The following SYT2 variants were observed in gnomAD, a reference collection of about 807,000 sequenced individuals.
SYT2 encodes the protein synaptotagmin 2, also known as synaptotagmin-2.
A neutral mutation model predicts 39.9 loss-of-function variants in SYT2; 15 were observed. The ratio of observed to expected loss-of-function variants is 0.38; its 90% confidence interval spans 0.25 to 0.58. SYT2 has a LOEUF of 0.58. Ranked by LOEUF, SYT2 falls within the 20% of genes least tolerant of loss-of-function variation. The pLI, the probability that SYT2 is intolerant of heterozygous loss-of-function variation, is 0.70. For missense variants in SYT2, 389 were observed against 530.3 expected, an observed-to-expected ratio of 0.73 and a Z score of 2.62; for synonymous variants, 181 against 204.5, an observed-to-expected ratio of 0.89 and a Z score of 0.98.
intron 1 of SYT2, among the ~76,000 whole-genome samples, chr1:202,650,932 A>T (rs778573472): frequency 1.3e-5 from 2 of 152,120 alleles, no homozygotes; most frequent in African/African-American, 4.8e-5. Context: ...AGCGTGGAAG[A>T]AGGAGGACGC....
chr1:202,602,902 C>A, intron 4 of SYT2, 97 bp downstream of exon 4: 2 of 1,437,520 alleles, frequency 1.4e-6, no homozygotes, highest in South Asian at 1.2e-5. Flanking sequence ...AGGAGTAGTG[C>A]CCACACATCT....
intron 1 of SYT2, among the ~76,000 whole-genome samples, chr1:202,690,348 G>T (rs1284975319): frequency 1.3e-5 from 2 of 152,204 alleles, no homozygotes; most frequent in African/African-American, 2.4e-5. Context: ...TGACAAGCAT[G>T]CATGGCAGCA....
Position 202,592,030 on chromosome 1 carries a change from C to T in SYT2, c.*4727G>A, listed in dbSNP as rs1467473377. 1 of 152,880 alleles carries T rather than the reference C, an allele frequency of 6.5e-6. No homozygotes were observed. The highest frequency in any genetic ancestry group is 2.4e-5 in the African/African-American group (1 of 41,462). 9.5% of individuals were successfully genotyped at this position (152,880 alleles called of 1,614,324 possible). A position where few individuals can be genotyped will look rare whatever the true frequency, so the allele number is the denominator to read the frequency against. On this transcript the variant is annotated 3_prime_UTR_variant, in exon 9 of 9. Transcript: ENST00000367268. Reference sequence around the variant, plus strand: ...GGACTGAGGGAGCAGGAGGGAGTGACAACAGGTGAGCCCTTCAGAAGTGGT... The same window carrying T: ...GGACTGAGGGAGCAGGAGGGAGTGATAACAGGTGAGCCCTTCAGAAGTGGT...
intron 1 of SYT2, among the ~76,000 whole-genome samples, chr1:202,634,300 C>T (rs1177792608): frequency 6.6e-6 from 1 of 152,068 alleles, no homozygotes; most frequent in Non-Finnish European, 1.5e-5. Flanking sequence ...GGTGGATCAC[C>T]CGATGTCAGG....
At position 202,599,928 on chromosome 1, in the gene SYT2, G is replaced by A. The variant is rs990885939; in HGVS notation, c.919+429C>T. Among the ~76,000 whole-genome samples, 3 of 152,250 alleles carry A rather than the reference G, an allele frequency of 2.0e-5. No individual in the cohort carries two copies. The highest frequency in any genetic ancestry group is 1.9e-4 in the East Asian group (1 of 5,170). ...GCCCCATTCACTGCCAGGTAAATGT[G>A]ATATTCAGAGCATCTTCCACTCCCT... On this transcript the variant is annotated intron_variant, in intron 7 of 8. Transcript: ENST00000367268. The surrounding 1 kb of genome is among the most constrained non-coding windows in gnomAD (Gnocchi z 4.4).
At chr1:202,688,351 C>T (rs11590011) in intron 1 of SYT2, among the ~76,000 whole-genome samples, 46,233 of 152,084 alleles carry the variant, frequency 0.3, 7,200 homozygotes, top group South Asian at 0.41. Context: ...ATGGCCCTGT[C>T]GTTATGCTCT....
chr1:202,667,871 C>T (rs1170371376), intron 1 of SYT2, among the ~76,000 whole-genome samples: 2 of 152,088 alleles, frequency 1.3e-5, no homozygotes, highest in Non-Finnish European at 2.9e-5. Flanking sequence ...TGCCACCACA[C>T]CCAGCTAATT....
At chr1:202,699,117 G>A (rs995067931) in intron 1 of SYT2, among the ~76,000 whole-genome samples, 4 of 149,528 alleles carry the variant, frequency 2.7e-5, no homozygotes, top group Non-Finnish European at 5.9e-5. Context: ...CAACTTCCTG[G>A]GCTCAAGAGA....
At position 202,602,555 on chromosome 1, in the gene SYT2, G is replaced by A; in HGVS notation, c.466-10C>T. The A allele has an allele frequency of 6.2e-7, 1 of 1,607,582 alleles. No individual in the cohort carries two copies. The highest frequency in any genetic ancestry group is 8.5e-7 in the Non-Finnish European group (1 of 1,176,954). On this transcript the variant is annotated splice_polypyrimidine_tract_variant and intron_variant, in intron 4 of 8. Transcript: ENST00000367268. ...GAACGCCCACAGTAAGCTGTGGAGAGAGATGGGGAGAAGGGGCCTGAGTCT... is the reference window on the plus strand; with the variant it reads ...GAACGCCCACAGTAAGCTGTGGAGAAAGATGGGGAGAAGGGGCCTGAGTCT...
At chr1:202,627,286 C>T (rs891602151) in intron 1 of SYT2, among the ~76,000 whole-genome samples, 8 of 152,198 alleles carry the variant, frequency 5.3e-5, no homozygotes, top group Non-Finnish European at 1.0e-4. Flanking sequence ...GCCTTGTTTA[C>T]GACTGCATTT....
At chr1:202,603,972 A>C (rs1690611573) in intron 3 of SYT2, among the ~76,000 whole-genome samples, 4 of 152,306 alleles carry the variant, frequency 2.6e-5, no homozygotes, top group South Asian at 4.1e-4. Flanking sequence ...CAACACCAAA[A>C]GACAGGGGAA....
intron 1 of SYT2, among the ~76,000 whole-genome samples, chr1:202,703,635 G>A (rs189513464): frequency 3.9e-5 from 6 of 152,092 alleles, no homozygotes; most frequent in South Asian, 2.1e-4. Context: ...GAAGCAGAAG[G>A]TCCGGAGGGA....
At chr1:202,645,261 C>G (rs1054760407) in intron 1 of SYT2, among the ~76,000 whole-genome samples, 1 of 152,212 alleles carries the variant, frequency 6.6e-6, no homozygotes, top group African/African-American at 2.4e-5. Context: ...TCATCCCACA[C>G]TGAGGAGGGG....
At chr1:202,611,885 C>CTGT (rs1470447998) in intron 1 of SYT2, among the ~76,000 whole-genome samples, 1 of 152,064 alleles carries the variant, frequency 6.6e-6, no homozygotes, top group Admixed American at 6.5e-5. Flanking sequence ...GGGTCTCACT[C>CTGT]TGTTACCCAG....
At chr1:202,703,288 G>A (rs4072141) in intron 1 of SYT2, among the ~76,000 whole-genome samples, 46,124 of 134,750 alleles carry the variant, frequency 0.34, 7,293 homozygotes, top group South Asian at 0.48. Flanking sequence ...TCCCTCCGCC[G>A]CCCATACACA....
chr1:202,664,887 G>A (rs1209658107), intron 1 of SYT2, among the ~76,000 whole-genome samples: 3 of 152,178 alleles, frequency 2.0e-5, no homozygotes, highest in Non-Finnish European at 4.4e-5. Context: ...TCGAACTCCT[G>A]ACCTCAGGTG....
chr1:202,635,884 A>G (rs2149093572), intron 1 of SYT2, among the ~76,000 whole-genome samples: 1 of 152,322 alleles, frequency 6.6e-6, no homozygotes, highest in South Asian at 2.1e-4. Flanking sequence ...GGAGGAAGCG[A>G]CAAGGGCACT....
chr1:202,703,030 G>A (rs777031053), intron 1 of SYT2, among the ~76,000 whole-genome samples: 21 of 152,210 alleles, frequency 1.4e-4, no homozygotes, highest in African/African-American at 1.9e-4. Flanking sequence ...ACTGCTTCCC[G>A]AGTCACTTTG....
At position 202,593,721 on chromosome 1, in the gene SYT2, AG is replaced by A. The variant is rs1690200549; in HGVS notation, c.*3035del. The A allele has an allele frequency of 6.6e-6, 1 of 152,128 alleles. No homozygotes were observed. Among genetic ancestry groups the A allele is most frequent in the Non-Finnish European group, 1.5e-5 (1 of 68,034 alleles). 9.4% of individuals were successfully genotyped at this position (152,128 alleles called of 1,614,324 possible). A position where few individuals can be genotyped will look rare whatever the true frequency, so the allele number is the denominator to read the frequency against. On this transcript the variant is annotated 3_prime_UTR_variant, in exon 9 of 9. Transcript: ENST00000367268. ...AGCATCCCTTCTGGAACAATTATTC[AG>A]GGAGGAAGAAGAAAACGAACTTTCA...
Sources: allele counts gnomAD v4.1 joint callset (sites outside exome capture counted in the v4.1 genomes callset), GRCh38; gene constraint gnomAD v4.1.1; non-coding constraint Gnocchi (gnomAD v3.1); transcripts MANE v1.5; gene names NCBI Gene and HGNC (gene_info 2026-07-23, HGNC 2026-07-21).